The following MARCHF8 variants were observed in gnomAD, a reference collection of about 807,000 sequenced individuals.
MARCHF8 encodes membrane associated ring-CH-type finger 8.
A neutral mutation model predicts 51.6 loss-of-function variants in MARCHF8; 40 were observed. The ratio of observed to expected loss-of-function variants is 0.77; its 90% confidence interval spans 0.60 to 1.01. MARCHF8 has a LOEUF of 1.01. Ranked by LOEUF, MARCHF8 falls within the 50% of genes least tolerant of loss-of-function variation. MARCHF8 has a pLI of 0.00. For missense variants in MARCHF8, 685 were observed against 708.6 expected (o/e 0.97, Z 0.38); for synonymous variants, 263 against 280.3 (o/e 0.94, Z 0.62).
chr10:45,511,980 C>G lies in MARCHF8; in HGVS notation c.102+21130G>C, dbSNP rs550875353. 1.9e-4 allele frequency among the ~76,000 whole-genome samples: 29 copies of G among 149,762 alleles called. No individual in the cohort carries two copies. In the East Asian group the frequency reaches 5.6e-3, roughly 29 times the overall value. ...GAAGTGAGGAGCGTCTCTGCCCGGC[C>G]GCCATCCCATCTAGGAAGTGAGGAG... On this transcript the variant is annotated intron_variant, in intron 2 of 7. Transcript: ENST00000453424.
intron 2 of MARCHF8, among the ~76,000 whole-genome samples, chr10:45,511,754 G>C (rs1457550043): frequency 6.6e-6 from 1 of 151,970 alleles, no homozygotes; most frequent in African/African-American, 2.4e-5. Flanking sequence ...ATCTCGGCTC[G>C]CTACAACCTC....
chr10:45,463,963 G>A lies in MARCHF8; in HGVS notation c.276C>T (p.His92=), dbSNP rs1305144222. The A allele has an allele frequency of 6.5e-7, 1 of 1,535,994 alleles. No individual in the cohort carries two copies. The highest frequency in any genetic ancestry group is 2.0e-5 in the Admixed American group (1 of 50,970). Residue 92 remains histidine (H), a synonymous_variant, in exon 5 of 8, where the codon CAC becomes CAT. Transcript: ENST00000453424. ...SSAVFSECCH[H]SSVQSAVVSK... ...AGACAACAGCAGACTGCACGGAACT[G>A]TGGTGACAACACTCAGAAAACACTG... is the stretch of plus-strand genomic sequence containing the variant.
chr10:45,575,698 G>A (rs1203713534), intron 1 of MARCHF8, among the ~76,000 whole-genome samples: 1 of 152,126 alleles, frequency 6.6e-6, no homozygotes, highest in Non-Finnish European at 1.5e-5. Context: ...TAAGACTACA[G>A]GAATGTTAGG....
chr10:45,594,055 GAA>G (rs2044709639), intron 1 of MARCHF8, among the ~76,000 whole-genome samples: 1 of 151,764 alleles, frequency 6.6e-6, no homozygotes, highest in African/African-American at 2.4e-5. Flanking sequence ...TAGGTTTTAA[GAA>G]AAAAAGGTTT....
At chr10:45,492,837 G>T (rs888167434) in intron 2 of MARCHF8, among the ~76,000 whole-genome samples, 6 of 152,164 alleles carry the variant, frequency 3.9e-5, no homozygotes, top group Admixed American at 2.6e-4. Flanking sequence ...TGAAATGCTT[G>T]GGACCAGAAC....
chr10:45,459,307 G>A (rs770683379), intron 6 of MARCHF8, 40 bp from the exon 7 acceptor site: 1 of 1,606,012 alleles, frequency 6.2e-7, no homozygotes, highest in Non-Finnish European at 8.5e-7. Flanking sequence ...AGGCTTCTGG[G>A]GAAGGGCTCC....
At chr10:45,578,322 C>G (rs918599616) in intron 1 of MARCHF8, among the ~76,000 whole-genome samples, 15 of 152,142 alleles carry the variant, frequency 9.9e-5, no homozygotes, top group African/African-American at 3.4e-4. Flanking sequence ...TATGAAAACA[C>G]AGAAGCCAGT....
At chr10:45,568,118 T>G (rs1231884618) in intron 1 of MARCHF8, among the ~76,000 whole-genome samples, 3 of 152,372 alleles carry the variant, frequency 2.0e-5, no homozygotes, top group African/African-American at 7.2e-5. Flanking sequence ...TTTGGTACGT[T>G]AATTTTGTAT....
At chr10:45,560,624 C>CCGCTCCCCTAGCT (rs2044299762) in intron 1 of MARCHF8, among the ~76,000 whole-genome samples, 1 of 152,178 alleles carries the variant, frequency 6.6e-6, no homozygotes, top group Non-Finnish European at 1.5e-5. Context: ...GTCCCCTAGC[C>CCGCTCCCCTAGCT]CGCTCCCCTA....
chr10:45,567,701 T>C (rs568373639), intron 1 of MARCHF8, among the ~76,000 whole-genome samples: 2 of 152,344 alleles, frequency 1.3e-5, no homozygotes, highest in South Asian at 4.1e-4. Flanking sequence ...ATAGTATAAT[T>C]TGAAGTCAGG....
chr10:45,537,132 G>T (rs2043985047), upstream of MARCHF8, among the ~76,000 whole-genome samples: 1 of 151,652 alleles, frequency 6.6e-6, no homozygotes, highest in Admixed American at 6.6e-5. Flanking sequence ...TCAATCCTAG[G>T]GTATATACAC....
chr10:45,540,147 C>T (rs2044030119), upstream of MARCHF8, among the ~76,000 whole-genome samples: 1 of 152,166 alleles, frequency 6.6e-6, no homozygotes, highest in South Asian at 2.1e-4. Context: ...AGATTCAATG[C>T]CATCCCCCCA....
chr10:45,505,020 TATACA>T lies in MARCHF8; in HGVS notation c.103-15608_103-15604del, dbSNP rs564444049. Among the ~76,000 whole-genome samples, 536 of 152,330 alleles carry T rather than the reference TATACA, an allele frequency of 3.5e-3. 3 individuals carry two copies. Among genetic ancestry groups the T allele is most frequent in the African/African-American group, 0.012 (510 of 41,578 alleles). ...TGCTCATTTCGAGCTGTTAATTATA[TATACA>T]ATTAAGCACTTATGCCTTCTTGCCT... is the stretch of plus-strand genomic sequence containing the variant. On this transcript the variant is annotated intron_variant, in intron 2 of 7. Transcript: ENST00000453424.
At chr10:45,511,644 G>C (rs536975113) in intron 2 of MARCHF8, among the ~76,000 whole-genome samples, 3 of 152,226 alleles carry the variant, frequency 2.0e-5, no homozygotes, top group Non-Finnish European at 1.5e-5. Context: ...TCCTAACCGC[G>C]AGTGATCCGC....
intron 2 of MARCHF8, among the ~76,000 whole-genome samples, chr10:45,521,904 G>A (rs193027589): frequency 1.1e-4 from 17 of 152,094 alleles, no homozygotes; most frequent in Admixed American, 3.3e-4. Flanking sequence ...TACATATTCT[G>A]ATGCATAAAA....
At chr10:45,497,366 C>A (rs2043191983) in intron 2 of MARCHF8, among the ~76,000 whole-genome samples, 1 of 152,104 alleles carries the variant, frequency 6.6e-6, no homozygotes, top group Admixed American at 6.5e-5. Context: ...ACTTCAAAAT[C>A]CTGCTTTCAA....
chr10:45,543,979 G>T (rs2044088738), intron 1 of MARCHF8, among the ~76,000 whole-genome samples: 1 of 151,904 alleles, frequency 6.6e-6, no homozygotes, highest in Admixed American at 6.6e-5. Context: ...GAGGCAAGAG[G>T]GTCGTTTGAG....
At chr10:45,594,525 T>C (rs1248833313) in exon 1 of MARCHF8, 1 of 152,242 alleles carries the variant, frequency 6.6e-6, no homozygotes, top group Non-Finnish European at 1.5e-5. Flanking sequence ...AGAGACCCAC[T>C]GCCTGGAGTC....
rs1294060067 is a variant in MARCHF8, at chr10:45,456,633, C to A, written c.*1606G>T. 2 of 152,294 alleles carry A rather than the reference C, an allele frequency of 1.3e-5. No individual in the cohort carries two copies. Among genetic ancestry groups the A allele is most frequent in the African/African-American group, 2.4e-5 (1 of 41,442 alleles). 9.4% of individuals were successfully genotyped at this position (152,294 alleles called of 1,614,324 possible). A position where few individuals can be genotyped will look rare whatever the true frequency, so the allele number is the denominator to read the frequency against. On this transcript the variant is annotated 3_prime_UTR_variant, in exon 8 of 8. Coordinates refer to ENST00000453424, the MANE Select transcript of MARCHF8 (RefSeq NM_001282866.2). ...AGGCCCAAAAAGACTGAGGGCAGGA[C>A]CCCCAGCATCTCCCATCTCCTCCGT...
Sources: allele counts gnomAD v4.1 joint callset (sites outside exome capture counted in the v4.1 genomes callset), GRCh38; gene constraint gnomAD v4.1.1; transcripts MANE v1.5; gene names NCBI Gene and HGNC (gene_info 2026-07-23, HGNC 2026-07-21).